Variants in GABRB1 observed in about 807,000 individuals in gnomAD.
The protein encoded by GABRB1 is gamma-aminobutyric acid receptor subunit beta-1.
Under a neutral mutation model 51.6 loss-of-function variants are expected in GABRB1, and 17 were observed. The ratio of observed to expected loss-of-function variants is 0.33; its 90% CI spans 0.23 to 0.49. The LOEUF (loss-of-function observed/expected upper bound fraction) is 0.49, where lower values mean the gene tolerates loss of function less well. GABRB1 is among the 20% of genes least tolerant of loss of function. The pLI is 0.99. For synonymous variants in GABRB1, 247 were observed against 218.9 expected, an observed-to-expected ratio of 1.13 and a Z score of -1.14; for missense variants, 410 against 600.6, an observed-to-expected ratio of 0.68 and a Z score of 3.32.
intron 1 of GABRB1, among the ~76,000 whole-genome samples, chr4:47,001,483 G>T (rs1248364465): frequency 6.6e-6 from 1 of 152,154 alleles, no homozygotes; most frequent in Non-Finnish European, 1.5e-5. Context: ...TTTCTTGGAT[G>T]AAATAAAGAT....
chr4:47,211,449 G>T (rs1166761041), intron 4 of GABRB1, among the ~76,000 whole-genome samples: 1 of 152,152 alleles, frequency 6.6e-6, no homozygotes, highest in Non-Finnish European at 1.5e-5. Flanking sequence ...ACTCATAGAT[G>T]TTTCTGTCAG....
intron 1 of GABRB1, among the ~76,000 whole-genome samples, chr4:47,024,254 T>G (rs1725017178): frequency 6.6e-6 from 1 of 151,994 alleles, no homozygotes. Context: ...CTTCTGGAAT[T>G]TACTTCCTAT....
At chr4:47,252,632 C>T (rs947005141) in intron 4 of GABRB1, among the ~76,000 whole-genome samples, 2 of 151,440 alleles carry the variant, frequency 1.3e-5, no homozygotes, top group Admixed American at 6.6e-5. Flanking sequence ...CTCAGCCTCC[C>T]AAGTAGCTGG....
At chr4:47,015,748 T>G (rs769962056) in intron 1 of GABRB1, among the ~76,000 whole-genome samples, 2 of 152,264 alleles carry the variant, frequency 1.3e-5, no homozygotes, top group Non-Finnish European at 2.9e-5. Flanking sequence ...GTTTACTATC[T>G]GTGATCAACA....
At chr4:47,035,773 G>A (rs796296295) in intron 3 of GABRB1, among the ~76,000 whole-genome samples, 17 of 152,252 alleles carry the variant, frequency 1.1e-4, no homozygotes, top group African/African-American at 4.1e-4. Context: ...CTACTATAAA[G>A]CCAGTAAAAC....
chr4:47,032,208 C>T (rs1725347138), intron 2 of GABRB1, among the ~76,000 whole-genome samples: 1 of 151,748 alleles, frequency 6.6e-6, no homozygotes, highest in Non-Finnish European at 1.5e-5. Flanking sequence ...CGGAGGCGAC[C>T]TTCTCCCGGG....
chr4:47,418,284 G>C (rs1236561305), intron 8 of GABRB1, among the ~76,000 whole-genome samples: 1 of 152,204 alleles, frequency 6.6e-6, no homozygotes, highest in Non-Finnish European at 1.5e-5. Flanking sequence ...TCCAAAATCT[G>C]TCAGGCAGGT....
At chr4:47,204,323 G>A (rs1445248825) in intron 4 of GABRB1, among the ~76,000 whole-genome samples, 1 of 152,092 alleles carries the variant, frequency 6.6e-6, no homozygotes, top group Admixed American at 6.6e-5. Context: ...GTGACAAACA[G>A]CACTAATTGG....
intron 5 of GABRB1, among the ~76,000 whole-genome samples, chr4:47,394,057 G>T (rs1463225812): frequency 2.0e-5 from 3 of 152,336 alleles, no homozygotes; most frequent in Admixed American, 6.5e-5. Flanking sequence ...ATCCAGAGAA[G>T]TTGTCTGTGG....
At chr4:47,169,692 G>C (rs779268895) in intron 4 of GABRB1, among the ~76,000 whole-genome samples, 17 of 152,056 alleles carry the variant, frequency 1.1e-4, no homozygotes, top group Non-Finnish European at 2.9e-5. Flanking sequence ...TGTAGAAACG[G>C]GGTTTCATCA....
chr4:47,032,527 A>G (rs752481689), intron 3 of GABRB1, 43 bp downstream of exon 3: 1 of 1,571,864 alleles, frequency 6.4e-7, no homozygotes, highest in South Asian at 1.1e-5. Flanking sequence ...GCTTACGCAG[A>G]TGGGAAATGG....
intron 4 of GABRB1, among the ~76,000 whole-genome samples, chr4:47,224,319 T>A (rs916288852): frequency 6.6e-6 from 1 of 151,452 alleles, no homozygotes; most frequent in African/African-American, 2.4e-5. Context: ...ATATATAAAA[T>A]CTGGCATTTT....
At chr4:47,314,154 C>A (rs1374800443) in intron 4 of GABRB1, among the ~76,000 whole-genome samples, 2 of 151,976 alleles carry the variant, frequency 1.3e-5, no homozygotes, top group Non-Finnish European at 2.9e-5. Context: ...GTTTAAAAAA[C>A]AATGAGTTAT....
At chr4:47,007,866 G>GTTATATATATATATATATATATATATATA (rs1476319173) in intron 1 of GABRB1, among the ~76,000 whole-genome samples, 1 of 49,970 alleles carries the variant, frequency 2.0e-5, no homozygotes, top group African/African-American at 7.9e-5. Context: ...CTTGGAACTG[G>GTTATATATATATATATATATATATATATA]TATATATATA....
intron 4 of GABRB1, among the ~76,000 whole-genome samples, chr4:47,188,821 G>T (rs1719303285): frequency 6.6e-6 from 1 of 151,948 alleles, no homozygotes; most frequent in Middle Eastern, 3.4e-3. Context: ...TGACTTCCTG[G>T]CTTATGTAAG....
intron 4 of GABRB1, among the ~76,000 whole-genome samples, chr4:47,305,268 G>T (rs1439569038): frequency 1.3e-5 from 2 of 152,014 alleles, no homozygotes; most frequent in African/African-American, 2.4e-5. Flanking sequence ...CCTGGAAATT[G>T]TCCAACTGAC....
In GABRB1 at chr4:47,031,809, C is replaced by T; in HGVS notation, c.80+78C>T. 2.7e-6 allele frequency: 4 copies of T among 1,496,244 alleles called. No individual in the cohort carries two copies. The South Asian group carries it at 4.5e-5, about 17-fold the overall frequency. The allele number at this position is 1,496,244 out of a possible 1,614,324, so 92.7% of individuals were successfully genotyped here. On this transcript the variant is annotated intron_variant, in intron 1 of 8. Coordinates refer to ENST00000295454, the MANE Select transcript of GABRB1 (RefSeq NM_000812.4). Reference sequence around the variant, plus strand: ...TGGTATGTTTCTTTTTACGTGTCTGCTGGATCATGTATCTTGTTGTTTGGG... The same window carrying T: ...TGGTATGTTTCTTTTTACGTGTCTGTTGGATCATGTATCTTGTTGTTTGGG...
At chr4:47,325,088 C>T (rs1265732387) in intron 5 of GABRB1, among the ~76,000 whole-genome samples, 3 of 152,146 alleles carry the variant, frequency 2.0e-5, no homozygotes, top group African/African-American at 7.2e-5. Context: ...AATTTCTGCC[C>T]AGCAGCCACA....
At chr4:47,061,518 G>T (rs896083061) in intron 3 of GABRB1, among the ~76,000 whole-genome samples, 1 of 152,088 alleles carries the variant, frequency 6.6e-6, no homozygotes, top group Admixed American at 6.6e-5. Flanking sequence ...GGCTTCCCTA[G>T]TAAATCCTAC....
Sources: allele counts gnomAD v4.1 joint callset (sites outside exome capture counted in the v4.1 genomes callset), GRCh38; gene constraint gnomAD v4.1.1; transcripts MANE v1.5; gene names NCBI Gene and HGNC (gene_info 2026-07-23, HGNC 2026-07-21).